Variants in KCNC2 observed in about 807,000 individuals in gnomAD.
KCNC2 encodes voltage-gated potassium channel KCNC2.
Under a neutral mutation model 44.5 loss-of-function variants are expected in KCNC2, and 21 were observed. The ratio of observed to expected loss-of-function variants is 0.47; its 90% CI spans 0.33 to 0.68. The LOEUF is 0.68. Ranked by LOEUF, KCNC2 falls within the 30% of genes least tolerant of loss-of-function variation. KCNC2 has a pLI of 0.01. For synonymous variants in KCNC2, 391 were observed against 339.1 expected (o/e 1.15, Z -1.68); for missense variants, 589 against 826.2 (o/e 0.71, Z 3.52).
intron 2 of KCNC2, among the ~76,000 whole-genome samples, chr12:75,178,430 A>G (rs1323271728): frequency 6.6e-6 from 1 of 152,078 alleles, no homozygotes; most frequent in Non-Finnish European, 1.5e-5. Flanking sequence ...CTTCAAATCC[A>G]TTTATCAGTC....
At position 75,208,458 on chromosome 12, in the gene KCNC2, C is replaced by A. The variant is rs541895657; in HGVS notation, c.-19-456G>T. ...CATTCTCTCCTCCTCCCCTGGTTGGCCTCTCATTCCCACTCTCCAAGACCC... is the reference window on the plus strand; with the variant it reads ...CATTCTCTCCTCCTCCCCTGGTTGGACTCTCATTCCCACTCTCCAAGACCC... On this transcript the variant is annotated intron_variant, in intron 1 of 4. Coordinates refer to ENST00000549446, the MANE Select transcript of KCNC2 (RefSeq NM_139137.4). Among the ~76,000 whole-genome samples, 17 of 151,336 alleles carry A rather than the reference C, an allele frequency of 1.1e-4. No individual in the cohort carries two copies. In the East Asian group the frequency reaches 3.3e-3, roughly 30 times the overall value.
chr12:75,138,474 A>C lies in KCNC2; in HGVS notation c.687+68823T>G, dbSNP rs368208252. ...CTAAAAATAAATATTTTTTAAAATA[A>C]ATTTCTGGACACCCCAGGAAATTAA... On this transcript the variant is annotated intron_variant, in intron 2 of 4. Coordinates refer to ENST00000549446, the MANE Select transcript of KCNC2 (RefSeq NM_139137.4). Among the ~76,000 whole-genome samples, 24 of 152,322 alleles carry C rather than the reference A, an allele frequency of 1.6e-4. No homozygotes were observed. The East Asian group carries it at 4.6e-3, about 29-fold the overall frequency.
At chr12:75,046,572 G>A (rs918335803) in intron 4 of KCNC2, among the ~76,000 whole-genome samples, 2 of 151,582 alleles carry the variant, frequency 1.3e-5, no homozygotes, top group African/African-American at 2.4e-5. Flanking sequence ...CAATGCACTT[G>A]GAACAGCATG....
At position 75,050,477 on chromosome 12, in the gene KCNC2, T is replaced by C; in HGVS notation, c.1528A>G (p.Lys510Glu). 1 of 1,613,736 alleles carries C rather than the reference T, an allele frequency of 6.2e-7. No individual in the cohort carries two copies. Among genetic ancestry groups the C allele is most frequent in the Non-Finnish European group, 8.5e-7 (1 of 1,179,786 alleles). Residue 510 changes from lysine (K) to glutamate (E), a missense_variant, in exon 3 of 5, where the codon AAG becomes GAG. Transcript: ENST00000549446. ...APQASSPTFC[K>E]TELNMACNST... is the part of the protein sequence containing the mutation. ...TTGCAGGCCATATTTAATTCTGTCT[T>C]GCAAAAAGTAGGTGAGCTTGCCTGA...
At chr12:75,170,798 A>T (rs1891763859) in intron 2 of KCNC2, among the ~76,000 whole-genome samples, 1 of 151,766 alleles carries the variant, frequency 6.6e-6, no homozygotes, top group Admixed American at 6.6e-5. Flanking sequence ...AACACCCAAT[A>T]GTTATCTCAA....
At chr12:75,183,417 C>G (rs951878121) in intron 2 of KCNC2, among the ~76,000 whole-genome samples, 3 of 152,132 alleles carry the variant, frequency 2.0e-5, no homozygotes, top group African/African-American at 7.2e-5. Context: ...ATTAAACTTG[C>G]TTTTCAATGT....
At chr12:75,153,304 T>A (rs890085994) in intron 2 of KCNC2, among the ~76,000 whole-genome samples, 4 of 152,094 alleles carry the variant, frequency 2.6e-5, no homozygotes, top group Admixed American at 2.0e-4. Flanking sequence ...AGCAAACCTT[T>A]GAATAATCCA....
chr12:75,137,022 A>C (rs1889280737), intron 2 of KCNC2, among the ~76,000 whole-genome samples: 1 of 151,998 alleles, frequency 6.6e-6, no homozygotes, highest in Non-Finnish European at 1.5e-5. Flanking sequence ...ATTCCTTCCC[A>C]ACTCTTCTTC....
intron 2 of KCNC2, among the ~76,000 whole-genome samples, chr12:75,157,356 G>T (rs537765225): frequency 2.0e-5 from 3 of 151,814 alleles, no homozygotes; most frequent in Non-Finnish European, 4.4e-5. Flanking sequence ...AAGGCTAAAA[G>T]AATCACAGAA....
At chr12:75,196,187 C>T (rs547548248) in intron 2 of KCNC2, among the ~76,000 whole-genome samples, 87 of 152,220 alleles carry the variant, frequency 5.7e-4, no homozygotes, top group African/African-American at 2.0e-3. Flanking sequence ...CAATAGACTA[C>T]AAGTGTGTTA....
intron 2 of KCNC2, among the ~76,000 whole-genome samples, chr12:75,182,531 A>AAC (rs977955093): frequency 2.2e-5 from 3 of 136,968 alleles, no homozygotes; most frequent in African/African-American, 7.7e-5. Flanking sequence ...AAAAAAAAAA[A>AAC]AAAAAACAAA....
intron 4 of KCNC2, among the ~76,000 whole-genome samples, chr12:75,045,407 G>A (rs1347090838): frequency 6.6e-6 from 1 of 151,798 alleles, no homozygotes; most frequent in Admixed American, 6.6e-5. Context: ...TATAATTTCA[G>A]TGCCTATTTG....
chr12:75,040,249 A>G lies in KCNC2; in HGVS notation c.*2856T>C, dbSNP rs1291231200. 1 of 152,040 alleles carries G rather than the reference A, an allele frequency of 6.6e-6. No individual in the cohort carries two copies. The highest frequency in any genetic ancestry group is 1.5e-5 in the Non-Finnish European group (1 of 67,976). 9.4% of individuals were successfully genotyped at this position (152,040 alleles called of 1,614,324 possible). A position where few individuals can be genotyped will look rare whatever the true frequency, so the allele number is the denominator to read the frequency against. On this transcript the variant is annotated 3_prime_UTR_variant, in exon 5 of 5. Transcript: ENST00000549446. ...AGGGATTTATAATAGGCTATATGTT[A>G]TATTCAGAATCCCAGGGGAACTAAT...
At position 75,207,836 on chromosome 12, in the gene KCNC2, C is replaced by T. The variant is rs1176113457; in HGVS notation, c.148G>A (p.Ala50Thr). ...SEPPGDCLTT[A>T]GDKLQPSPPP... ...GGCGACGGCTGCAGCTTGTCGCCCG[C>T]CGTGGTCAAGCAGTCGCCTGGGGGC... Residue 50 changes from alanine to threonine, a missense_variant, in exon 2 of 5, where the codon GCG (alanine) becomes ACG (threonine). Physicochemically the swap from Ala to Thr is moderately conservative, Grantham distance 58. This residue lies in a region of KCNC2 where 148 missense variants were observed against 140.1 expected (regional missense o/e 1.06). Coordinates refer to ENST00000549446, the MANE Select transcript of KCNC2 (RefSeq NM_139137.4). The surrounding 1 kb of genome is among the most constrained non-coding windows in gnomAD (Gnocchi z 4.1). The T allele has an allele frequency of 6.2e-7, 1 of 1,609,964 alleles. No individual in the cohort carries two copies. Among genetic ancestry groups the T allele is most frequent in the Admixed American group, 1.7e-5 (1 of 59,870 alleles).
intron 2 of KCNC2, among the ~76,000 whole-genome samples, chr12:75,134,898 A>G (rs967217983): frequency 5.9e-5 from 9 of 151,986 alleles, no homozygotes; most frequent in African/African-American, 1.9e-4. Flanking sequence ...GATTATCTCC[A>G]TAGCTAGTCT....
chr12:75,111,362 G>A (rs546920749), intron 2 of KCNC2, among the ~76,000 whole-genome samples: 64 of 151,900 alleles, frequency 4.2e-4, no homozygotes, highest in African/African-American at 1.4e-3. Flanking sequence ...AATCTATTGC[G>A]TGAACCCATT....
In KCNC2 at chr12:75,043,239, A is replaced by T; in HGVS notation, c.1783T>A (p.Tyr595Asn). ...TTGTTTAAGCTTCGGGATTTTTCAT[A>T]TCCTTTTATGAAAAAATGCACAGAC... ...CASDGGIRKG[Y>N]EKSRSLNNIA... Residue 595 changes from tyrosine (Y) to asparagine (N), a missense_variant and splice_region_variant, in exon 5 of 5, where the codon TAT becomes AAT. Around this residue, in one of 7 missense-constraint regions of KCNC2, gnomAD observed 171 missense variants for 182.4 expected, o/e 0.94. Coordinates refer to ENST00000549446, the MANE Select transcript of KCNC2 (RefSeq NM_139137.4). 1 of 1,611,844 alleles carries T rather than the reference A, an allele frequency of 6.2e-7. No individual in the cohort carries two copies.
intron 2 of KCNC2, among the ~76,000 whole-genome samples, chr12:75,185,884 A>G (rs1025619688): frequency 4.4e-4 from 67 of 151,888 alleles, no homozygotes; most frequent in African/African-American, 1.6e-3. Context: ...TGTCTGTACT[A>G]AAAATACAAA....
chr12:75,074,315 A>C (rs1168908549), intron 2 of KCNC2, among the ~76,000 whole-genome samples: 1 of 143,140 alleles, frequency 7.0e-6, no homozygotes, highest in Non-Finnish European at 1.5e-5. Flanking sequence ...CCTATTTCCC[A>C]AGGAGAAAGT....
Sources: gnomAD v4.1 joint callset for allele counts (sites outside exome capture counted in the v4.1 genomes callset) on GRCh38, gnomAD v4.1.1 for gene constraint, gnomAD v4.1.1 regional missense constraint, Gnocchi (gnomAD v3.1) non-coding constraint, MANE v1.5 for transcripts, NCBI Gene and HGNC (gene_info 2026-07-23, HGNC 2026-07-21) for gene names.